PRKCB: variants seen among roughly 807,000 people sequenced by gnomAD.
PRKCB encodes protein kinase C beta type.
A neutral mutation model predicts 81.5 loss-of-function variants in PRKCB; 13 were observed. That is an observed-to-expected ratio of 0.16 (90% CI 0.10 to 0.25). The LOEUF is 0.25. Ranked by LOEUF, PRKCB falls within the 10% of genes least tolerant of loss-of-function variation. PRKCB has a pLI of 1.00. For synonymous variants in PRKCB, 335 were observed against 321.4 expected (o/e 1.04, Z -0.45); for missense variants, 509 against 875.7 (o/e 0.58, Z 5.29).
intron 2 of PRKCB, among the ~76,000 whole-genome samples, chr16:23,967,510 G>C (rs1464385109): frequency 6.6e-6 from 1 of 152,170 alleles, no homozygotes; most frequent in Non-Finnish European, 1.5e-5. Context: ...GATTGAGAAT[G>C]GGATTGAGAA....
chr16:23,909,167 TG>T (rs1175787489), intron 2 of PRKCB, among the ~76,000 whole-genome samples: 1 of 152,244 alleles, frequency 6.6e-6, no homozygotes, highest in Non-Finnish European at 1.5e-5. Flanking sequence ...GATACCTTTC[TG>T]GGACAGGTTT....
chr16:24,100,728 C>G (rs1032087785), intron 7 of PRKCB, among the ~76,000 whole-genome samples: 1 of 152,162 alleles, frequency 6.6e-6, no homozygotes, highest in Non-Finnish European at 1.5e-5. Flanking sequence ...ACTGAGACGG[C>G]AATATTTTAG....
chr16:23,986,698 T>C (rs1964808459), intron 2 of PRKCB, among the ~76,000 whole-genome samples: 1 of 152,222 alleles, frequency 6.6e-6, no homozygotes, highest in Non-Finnish European at 1.5e-5. Flanking sequence ...CTCCCATTTC[T>C]TATGACTTGG....
At chr16:23,908,692 A>AT (rs11301650) in intron 2 of PRKCB, among the ~76,000 whole-genome samples, 3 of 150,664 alleles carry the variant, frequency 2.0e-5, no homozygotes, top group Non-Finnish European at 4.4e-5. Context: ...TGCCCAGCTA[A>AT]TTTTTTTTTT....
At chr16:23,844,087 A>T (rs1369771193) in intron 2 of PRKCB, among the ~76,000 whole-genome samples, 1 of 152,262 alleles carries the variant, frequency 6.6e-6, no homozygotes, top group African/African-American at 2.4e-5. Context: ...TATAATTTAA[A>T]ATATATGGTC....
At chr16:23,857,194 G>T (rs898130958) in intron 2 of PRKCB, among the ~76,000 whole-genome samples, 3 of 152,188 alleles carry the variant, frequency 2.0e-5, no homozygotes, top group Non-Finnish European at 2.9e-5. Context: ...GGAATGATTG[G>T]TTTTGGCGGA....
At chr16:24,148,536 G>C (rs1249927547) in intron 9 of PRKCB, among the ~76,000 whole-genome samples, 2 of 152,126 alleles carry the variant, frequency 1.3e-5, no homozygotes, top group Non-Finnish European at 2.9e-5. Flanking sequence ...CATTTGGAAG[G>C]CCCAATGAAT....
rs369732835 is a variant in PRKCB, at chr16:24,035,554, G to A, written c.529+7G>A. The A allele has an allele frequency of 1.9e-6, 3 of 1,612,804 alleles. No homozygotes were observed. The East Asian group carries it at 6.7e-5, about 36-fold the overall frequency. On this transcript the variant is annotated splice_region_variant and intron_variant, in intron 5 of 16. Coordinates refer to ENST00000643927, the MANE Select transcript of PRKCB (RefSeq NM_002738.7). ...GACGTCCTCATTGTCCTCGGTAGGT[G>A]GCCCTGGGGCTCCACTGGCTCCTGA...
intron 9 of PRKCB, among the ~76,000 whole-genome samples, chr16:24,136,703 C>T (rs1966865923): frequency 6.6e-6 from 1 of 152,096 alleles, no homozygotes; most frequent in South Asian, 2.1e-4. Context: ...TTCACTGTGA[C>T]CGGGGAAGCG....
chr16:24,092,754 G>T, intron 5 of PRKCB, 37 bp from the exon 6 acceptor site: 1 of 1,593,066 alleles, frequency 6.3e-7, no homozygotes, highest in East Asian at 2.2e-5. Flanking sequence ...AAACATGTTG[G>T]ACAGTATTAA....
chr16:23,974,476 G>A (rs1225803249), intron 2 of PRKCB, among the ~76,000 whole-genome samples: 1 of 152,174 alleles, frequency 6.6e-6, no homozygotes, highest in African/African-American at 2.4e-5. Flanking sequence ...GAGGAGCCAA[G>A]GAGAGGAGGA....
chr16:24,059,647 A>G (rs1166693725), intron 5 of PRKCB, among the ~76,000 whole-genome samples: 1 of 152,100 alleles, frequency 6.6e-6, no homozygotes, highest in Admixed American at 6.5e-5. Flanking sequence ...AGCCTGAGTG[A>G]CAGAGTGACA....
intron 3 of PRKCB, among the ~76,000 whole-genome samples, chr16:24,029,478 G>A (rs761181074): frequency 5.9e-5 from 9 of 152,106 alleles, no homozygotes; most frequent in Non-Finnish European, 1.2e-4. Flanking sequence ...CTTCCACTAC[G>A]ATTTTAAGTT....
intron 5 of PRKCB, among the ~76,000 whole-genome samples, chr16:24,056,643 A>G (rs1476150453): frequency 6.6e-6 from 1 of 152,046 alleles, no homozygotes; most frequent in Non-Finnish European, 1.5e-5. Flanking sequence ...CTCCATGTTC[A>G]CTAGAGATCT....
At chr16:24,182,902 T>TGTGTGTGTGTGTGTGTGTGTGTGTGTG (rs56902454) in intron 13 of PRKCB, among the ~76,000 whole-genome samples, 50 of 151,514 alleles carry the variant, frequency 3.3e-4, no homozygotes, top group East Asian at 1.2e-3. Context: ...TGTGTGTGTG[T>TGTGTGTGTGTGTGTGTGTGTGTGTGTG]TTGAGACAGG....
intron 2 of PRKCB, among the ~76,000 whole-genome samples, chr16:23,961,409 A>T (rs1479725792): frequency 6.6e-6 from 1 of 152,262 alleles, no homozygotes; most frequent in Admixed American, 6.5e-5. Context: ...TCTCTCCATC[A>T]TGATTCAGCT....
intron 5 of PRKCB, among the ~76,000 whole-genome samples, chr16:24,057,442 G>A (rs186974317): frequency 2.0e-5 from 3 of 152,270 alleles, no homozygotes; most frequent in African/African-American, 4.8e-5. Flanking sequence ...AACAAAAAGA[G>A]CTTTCCTTTC....
intron 5 of PRKCB, among the ~76,000 whole-genome samples, chr16:24,066,075 C>CTGTGTGTGTGTGTGTG (rs58216806): frequency 8.6e-5 from 12 of 139,566 alleles, no homozygotes; most frequent in South Asian, 2.4e-4. Context: ...TGTGATGTTC[C>CTGTGTGTGTGTGTGTG]TGTGTGTGTG....
At chr16:23,940,087 A>G (rs1463622479) in intron 2 of PRKCB, among the ~76,000 whole-genome samples, 6 of 152,244 alleles carry the variant, frequency 3.9e-5, no homozygotes, top group Non-Finnish European at 8.8e-5. Flanking sequence ...ACAAATAAAC[A>G]CATGAAAAGA....
Sources: gnomAD v4.1 joint callset for allele counts (sites outside exome capture counted in the v4.1 genomes callset) on GRCh38, gnomAD v4.1.1 for gene constraint, MANE v1.5 for transcripts, NCBI Gene and HGNC (gene_info 2026-07-23, HGNC 2026-07-21) for gene names.